Variants in ESYT3 observed in about 807,000 individuals in gnomAD.
The protein encoded by ESYT3 is extended synaptotagmin-3.
ESYT3 carries 101 observed loss-of-function variants against 111.5 expected under a neutral mutation model. The observed-to-expected ratio is 0.91, with a 90% CI of 0.77 to 1.07. The LOEUF is 1.07. Ranked by LOEUF, ESYT3 falls within the 50% of genes least tolerant of loss-of-function variation. The pLI, the probability that ESYT3 is intolerant of heterozygous loss-of-function variation, is 0.00. For missense variants in ESYT3, 1,097 were observed against 1,109.4 expected (o/e 0.99, Z 0.16); for synonymous variants, 416 against 446.8 (o/e 0.93, Z 0.87).
chr3:138,468,521 T>G, intron 12 of ESYT3, 134 bp from the exon 13 acceptor site: 6 of 847,370 alleles, frequency 7.1e-6, no homozygotes, highest in South Asian at 1.5e-5. Flanking sequence ...TGCTAGGTTG[T>G]GAGAGGTCCT....
chr3:138,457,447 C>G, intron 3 of ESYT3, 121 bp from the exon 4 acceptor site: 1 of 853,174 alleles, frequency 1.2e-6, no homozygotes, highest in South Asian at 1.3e-5. Flanking sequence ...ATGTCTGTGC[C>G]TCGTCTTGGA....
intron 1 of ESYT3, among the ~76,000 whole-genome samples, chr3:138,436,624 G>A (rs2030714760): frequency 6.6e-6 from 1 of 152,210 alleles, no homozygotes; most frequent in Non-Finnish European, 1.5e-5. Context: ...AGTAGCCATA[G>A]GGGTAGCGCA....
chr3:138,470,490 A>T, intron 16 of ESYT3: 3 of 1,107,436 alleles, frequency 2.7e-6, no homozygotes, highest in Non-Finnish European at 2.2e-6. Context: ...TTCACAAAAG[A>T]TCTGTAGAGT....
intron 1 of ESYT3, 120 bp from the exon 2 acceptor site, chr3:138,451,928 G>C: frequency 9.0e-7 from 1 of 1,113,840 alleles, no homozygotes; most frequent in East Asian, 2.4e-5. Flanking sequence ...TGGAGGCGGC[G>C]GGGAGGAAGG....
At chr3:138,462,990 A>G (rs1162068252) in intron 8 of ESYT3, among the ~76,000 whole-genome samples, 2 of 152,064 alleles carry the variant, frequency 1.3e-5, no homozygotes, top group Non-Finnish European at 2.9e-5. Flanking sequence ...ACAAATACAT[A>G]TATATGGTCG....
intron 1 of ESYT3, among the ~76,000 whole-genome samples, chr3:138,447,817 C>G (rs139966226): frequency 7.8e-4 from 119 of 151,644 alleles, no homozygotes; most frequent in African/African-American, 2.8e-3. Flanking sequence ...AATATTTAAC[C>G]GTGTCAGCCC....
At chr3:138,439,250 A>G (rs1029071242) in intron 1 of ESYT3, among the ~76,000 whole-genome samples, 3 of 152,170 alleles carry the variant, frequency 2.0e-5, no homozygotes, top group Non-Finnish European at 4.4e-5. Flanking sequence ...TTTTCCTAAT[A>G]TGAAATGAAT....
chr3:138,446,226 C>T (rs2031528585), intron 1 of ESYT3, among the ~76,000 whole-genome samples: 1 of 152,214 alleles, frequency 6.6e-6, no homozygotes, highest in East Asian at 1.9e-4. Context: ...AAAGAGGTTT[C>T]TATAAAACCC....
rs2032509199 is a variant in ESYT3 at position 138,459,667 on chromosome 3, C to T, written c.649-278C>T. 2.6e-5 allele frequency among the ~76,000 whole-genome samples: 4 copies of T among 152,228 alleles called. No individual in the cohort carries two copies. In the South Asian group the frequency reaches 8.3e-4, roughly 31 times the overall value. Reference sequence around the variant, plus strand: ...TCCTGCTGGCTGGGCCAGCCCAAAACTTGGCAAAGGCTATAGGTCTCTCAG... The same window carrying T: ...TCCTGCTGGCTGGGCCAGCCCAAAATTTGGCAAAGGCTATAGGTCTCTCAG... On this transcript the variant is annotated intron_variant, in intron 5 of 22. Coordinates refer to ENST00000389567, the MANE Select transcript of ESYT3 (RefSeq NM_031913.5).
chr3:138,472,767 A>G lies in ESYT3; in HGVS notation c.2145A>G (p.Ala715=), dbSNP rs2033293029. ...TGAAATGCCCTGCCTCCCCATTCGC[A>G]TGGCCGCCCAAGAGGCTGGCTCCCA... ...RPMKCPASPF[A]WPPKRLAPSM... is the part of the protein sequence containing the mutation. Residue 715 remains alanine, a synonymous_variant, in exon 18 of 23, where the codon GCA becomes GCG. Coordinates refer to ENST00000389567, the MANE Select transcript of ESYT3 (RefSeq NM_031913.5). 4 of 1,614,148 alleles carry G rather than the reference A, an allele frequency of 2.5e-6. No individual in the cohort carries two copies. Among genetic ancestry groups the G allele is most frequent in the Non-Finnish European group, 3.4e-6 (4 of 1,180,016 alleles).
chr3:138,435,321 C>G lies in ESYT3; in HGVS notation c.327+196C>G, dbSNP rs746399545. Among the ~76,000 whole-genome samples the G allele has an allele frequency of 6.6e-6, 1 of 152,232 alleles. No individual in the cohort carries two copies. The highest frequency in any genetic ancestry group is 2.4e-5 in the African/African-American group (1 of 41,466). On this transcript the variant is annotated intron_variant, in intron 1 of 22. Transcript: ENST00000389567. The surrounding 1 kb of genome is among the most constrained non-coding windows in gnomAD (Gnocchi z 4.8). ...CGCCCCTCCCGCGGCGCGCAGCACC[C>G]TCACGTCCACCTCTGGTCCGACTGC...
At chr3:138,473,447 C>A in intron 18 of ESYT3, 89 bp from the exon 19 acceptor site, 1 of 1,184,574 alleles carries the variant, frequency 8.4e-7, no homozygotes, top group Non-Finnish European at 1.2e-6. Flanking sequence ...CTATACTCCT[C>A]AAGCAGGAAT....
chr3:138,468,061 T>C lies in ESYT3; in HGVS notation c.1219-44T>C, dbSNP rs373958233. The stretch of plus-strand genomic sequence containing the variant: ...GGCTGCCCAGAGAGCATCAGTAGCA[T>C]CTCCCTGGCCCTTTTCCCTGAGCTT... On this transcript the variant is annotated intron_variant, in intron 11 of 22. Transcript: ENST00000389567. 1.4e-5 allele frequency: 22 copies of C among 1,570,664 alleles called. No homozygotes were observed. The African/African-American group carries it at 3.0e-4, about 21-fold the overall frequency.
At chr3:138,470,832 T>G in intron 16 of ESYT3, 45 bp from the exon 17 acceptor site, 6 of 1,612,336 alleles carry the variant, frequency 3.7e-6, no homozygotes, top group Non-Finnish European at 5.1e-6. Flanking sequence ...AGTGGAGTGG[T>G]GGGGCTTGGT....
At chr3:138,445,593 C>G (rs2108596710) in intron 1 of ESYT3, among the ~76,000 whole-genome samples, 1 of 152,334 alleles carries the variant, frequency 6.6e-6, no homozygotes, top group South Asian at 2.1e-4. Flanking sequence ...CTAGGAAACT[C>G]AGCAGAGAAT....
chr3:138,465,522 G>A (rs554103180), intron 10 of ESYT3, 101 bp downstream of exon 10: 27 of 894,346 alleles, frequency 3.0e-5, no homozygotes, highest in African/African-American at 6.6e-5. Flanking sequence ...CTAGCAACCC[G>A]CTGTGGTCAC....
chr3:138,462,337 C>T, intron 8 of ESYT3, 131 bp downstream of exon 8: 1 of 1,261,844 alleles, frequency 7.9e-7, no homozygotes, highest in Non-Finnish European at 1.1e-6. Context: ...GGTACAAACA[C>T]CATCGCCCAC....
Position 138,460,635 on chromosome 3 carries a change from C to G in ESYT3, c.763C>G (p.Leu255Val). The change falls in exon 7 of 23, where the codon CTG becomes GTG. Residue 255 changes from leucine to valine, a missense_variant. Leu to Val is a conservative substitution (Grantham distance 32). Transcript: ENST00000389567. ...GCACCTACAGATCAACTGGACTGGC[C>G]TGACCAACCTGCTGGATGCGCCGGG... ...KPHLQINWTG[L>V]TNLLDAPGIN... The G allele has an allele frequency of 6.2e-7, 1 of 1,614,138 alleles. No individual in the cohort carries two copies. Among genetic ancestry groups the G allele is most frequent in the Non-Finnish European group, 8.5e-7 (1 of 1,179,982 alleles).
intron 2 of ESYT3, among the ~76,000 whole-genome samples, chr3:138,452,778 T>A (rs185319232): frequency 6.6e-6 from 1 of 152,330 alleles, no homozygotes; most frequent in Admixed American, 6.5e-5. Flanking sequence ...GACTGAGGAA[T>A]GTTTCTAATA....
Sources: gnomAD v4.1 joint callset for allele counts (sites outside exome capture counted in the v4.1 genomes callset) on GRCh38, gnomAD v4.1.1 for gene constraint, Gnocchi (gnomAD v3.1) non-coding constraint, MANE v1.5 for transcripts, NCBI Gene and HGNC (gene_info 2026-07-23, HGNC 2026-07-21) for gene names.